Variants in TASP1 observed in about 807,000 individuals in gnomAD.
TASP1 encodes the protein threonine aspartase 1.
In TASP1, 16 loss-of-function variants were observed where a neutral mutation model predicts 56.6. The ratio of observed to expected loss-of-function variants is 0.28; its 90% CI spans 0.19 to 0.43. The LOEUF is 0.43. Among genes scored for constraint, TASP1 ranks in the 20% least tolerant of loss-of-function variants. TASP1 has a pLI of 1.00. For missense variants in TASP1, 393 were observed against 511.6 expected, an observed-to-expected ratio of 0.77 and a Z score of 2.24; for synonymous variants, 179 against 184.2, an observed-to-expected ratio of 0.97 and a Z score of 0.23.
chr20:13,581,039 C>T (rs1169539990), intron 5 of TASP1, 58 bp from the exon 6 acceptor site: 7 of 1,526,346 alleles, frequency 4.6e-6, no homozygotes, highest in African/African-American at 1.4e-5. Flanking sequence ...TCTAGTTTCC[C>T]ACTCAGTTTT....
At chr20:13,547,308 T>C (rs950442208) in intron 8 of TASP1, among the ~76,000 whole-genome samples, 5 of 152,194 alleles carry the variant, frequency 3.3e-5, no homozygotes, top group Admixed American at 2.0e-4. Flanking sequence ...CTGCATGGCA[T>C]TGGAGCTAGC....
At chr20:13,581,006 C>CA in intron 5 of TASP1, 25 bp from the exon 6 acceptor site, 1 of 1,252,434 alleles carries the variant, frequency 8.0e-7, no homozygotes, top group Non-Finnish European at 1.2e-6. Context: ...AAAAAATTGG[C>CA]AAAAAAGATG....
the TASP1 span, among the ~76,000 whole-genome samples, chr20:13,222,184 TG>T: frequency 5.3e-5 from 8 of 150,780 alleles, no homozygotes; most frequent in African/African-American, 2.0e-4. Flanking sequence ...GGTGGGGAGG[TG>T]GGAAGGAGCG....
chr20:13,441,587 G>C (rs1307925544), intron 11 of TASP1, among the ~76,000 whole-genome samples: 3 of 152,206 alleles, frequency 2.0e-5, no homozygotes, highest in African/African-American at 4.8e-5. Context: ...GAGGGTCAGG[G>C]AAGAGAGGAT....
the TASP1 span, among the ~76,000 whole-genome samples, chr20:13,201,754 CTTTTT>C: frequency 7.2e-6 from 1 of 138,634 alleles, no homozygotes; most frequent in African/African-American, 2.6e-5. Context: ...AGATGGTAAA[CTTTTT>C]TTTTTTTTTT....
chr20:13,492,101 C>A (rs2043552906), intron 10 of TASP1, among the ~76,000 whole-genome samples: 1 of 152,186 alleles, frequency 6.6e-6, no homozygotes, highest in Admixed American at 6.6e-5. Context: ...CCTAGGCAGC[C>A]TCCTACAAAA....
chr20:13,330,033 T>C, the TASP1 span, among the ~76,000 whole-genome samples: 1 of 152,104 alleles, frequency 6.6e-6, no homozygotes, highest in Non-Finnish European at 1.5e-5. Flanking sequence ...CTCAACTCAC[T>C]GCAACCTCTG....
chr20:13,538,954 G>A (rs999415075), intron 8 of TASP1, among the ~76,000 whole-genome samples: 28 of 152,062 alleles, frequency 1.8e-4, no homozygotes, highest in African/African-American at 6.5e-4. Flanking sequence ...AGGCTGGGAT[G>A]GGAGAATCGC....
the TASP1 span, among the ~76,000 whole-genome samples, chr20:13,290,663 A>C: frequency 6.6e-6 from 1 of 152,296 alleles, no homozygotes; most frequent in African/African-American, 2.4e-5. Context: ...GTCTCAAAAC[A>C]AAAAAAGAAA....
the TASP1 span, chr20:13,300,172 A>G: frequency 1.3e-5 from 2 of 152,216 alleles, no homozygotes; most frequent in Admixed American, 6.5e-5. Context: ...AAAATAAAAG[A>G]TCAATATTAT....
At chr20:13,251,183 A>G in the TASP1 span, among the ~76,000 whole-genome samples, 4 of 152,154 alleles carry the variant, frequency 2.6e-5, no homozygotes, top group Non-Finnish European at 5.9e-5. Context: ...CAGTAGTTGA[A>G]TGGTGAGCAC....
chr20:13,268,155 C>CTTCTCTTCTCTTCTCTTCTCTTCT, the TASP1 span, among the ~76,000 whole-genome samples: 186 of 69,092 alleles, frequency 2.7e-3, 1 homozygote, highest in African/African-American at 0.011. Context: ...TCTTCTCTTC[C>CTTCTCTTCTCTTCTCTTCTCTTCT]CTTCCCTTCT....
chr20:13,202,274 T>C, the TASP1 span, among the ~76,000 whole-genome samples: 68 of 152,050 alleles, frequency 4.5e-4, no homozygotes, highest in African/African-American at 1.5e-3. Context: ...TTCAATGGAG[T>C]TGGAAAGCAA....
chr20:13,264,771 C>A, the TASP1 span, among the ~76,000 whole-genome samples: 4 of 152,312 alleles, frequency 2.6e-5, no homozygotes, highest in East Asian at 7.7e-4. Flanking sequence ...GTGATTAAAA[C>A]GTGTGGATTT....
the TASP1 span, among the ~76,000 whole-genome samples, chr20:13,366,046 C>T: frequency 6.6e-6 from 1 of 152,034 alleles, no homozygotes; most frequent in East Asian, 1.9e-4. Context: ...ACTGGGCAAG[C>T]GAGAACAACA....
intron 5 of TASP1, among the ~76,000 whole-genome samples, chr20:13,586,718 C>T (rs113939976): frequency 4.0e-5 from 6 of 151,896 alleles, no homozygotes; most frequent in Non-Finnish European, 8.8e-5. Context: ...TGAGACATAT[C>T]TTTTATGTAC....
At chr20:13,269,956 G>GATGGATGGATGGATGGATGT in the TASP1 span, among the ~76,000 whole-genome samples, 1 of 152,098 alleles carries the variant, frequency 6.6e-6, no homozygotes, top group Non-Finnish European at 1.5e-5. Flanking sequence ...TGGATGGATG[G>GATGGATGGATGGATGGATGT]ATGGATGGAT....
At chr20:13,270,466 G>A in the TASP1 span, 3 of 1,575,814 alleles carry the variant, frequency 1.9e-6, no homozygotes, top group African/African-American at 2.7e-5. Flanking sequence ...TTAATCATGT[G>A]TCTCCTTAAC....
the TASP1 span, among the ~76,000 whole-genome samples, chr20:13,357,132 A>T: frequency 6.7e-5 from 10 of 149,564 alleles, no homozygotes; most frequent in Admixed American, 6.6e-4. Context: ...ATAAATATAG[A>T]TGATACTAAA....
Sources: gnomAD v4.1 joint callset for allele counts (sites outside exome capture counted in the v4.1 genomes callset) on GRCh38, gnomAD v4.1.1 for gene constraint, MANE v1.5 for transcripts, NCBI Gene and HGNC (gene_info 2026-07-23, HGNC 2026-07-21) for gene names.